AADAT: variants seen among roughly 807,000 people sequenced by gnomAD.
AADAT encodes kynurenine/alpha-aminoadipate aminotransferase, mitochondrial.
In AADAT, 25 loss-of-function variants were observed where a neutral mutation model predicts 56.2. That is an observed-to-expected ratio of 0.44 (90% CI 0.32 to 0.62). The LOEUF (loss-of-function observed/expected upper bound fraction) is 0.62, where lower values mean the gene tolerates loss of function less well. Among genes scored for constraint, AADAT ranks in the 20% least tolerant of loss-of-function variants. AADAT has a pLI of 0.04. For missense variants in AADAT, 387 were observed against 510.5 expected, an observed-to-expected ratio of 0.76 and a Z score of 2.33; for synonymous variants, 173 against 164.7, an observed-to-expected ratio of 1.05 and a Z score of -0.39.
intron 3 of AADAT, among the ~76,000 whole-genome samples, chr4:170,083,595 C>T (rs1307890265): frequency 6.6e-6 from 1 of 152,032 alleles, no homozygotes; most frequent in Non-Finnish European, 1.5e-5. Context: ...TCTTAACAGA[C>T]ATTTCTAAAA....
At chr4:170,073,507 A>AT (rs1204906766) in intron 4 of AADAT, among the ~76,000 whole-genome samples, 162 bp from the exon 5 acceptor site, 197 of 146,526 alleles carry the variant, frequency 1.3e-3, no homozygotes, top group African/African-American at 1.8e-3. Flanking sequence ...TTACACATTT[A>AT]TTTATTTTTT....
Position 170,064,731 on chromosome 4 carries a change from G to T in AADAT, c.1122C>A (p.Ala374=), listed in dbSNP as rs779364866. The T allele has an allele frequency of 6.2e-7, 1 of 1,604,496 alleles. No individual in the cohort carries two copies. The highest frequency in any genetic ancestry group is 1.3e-5 in the African/African-American group (1 of 74,262). ...CTCCCAGTTTTACCCCCATCTTAACGGCCTTTTCTTCAATCAGTTCTTTTA... is the reference window on the plus strand; with the variant it reads ...CTCCCAGTTTTACCCCCATCTTAACTGCCTTTTCTTCAATCAGTTCTTTTA... ...NDVKELIEEK[A]VKMGVLMLPG... The change falls in exon 11 of 13, where the codon GCC becomes GCA. Residue 374 remains alanine (A), a synonymous_variant. Transcript: ENST00000337664.
chr4:170,091,073 C>T (rs1179783836), upstream of AADAT, among the ~76,000 whole-genome samples: 1 of 151,832 alleles, frequency 6.6e-6, no homozygotes, highest in East Asian at 1.9e-4. Context: ...CTGCTGGCAG[C>T]CCTCGCAGCC....
intron 7 of AADAT, 134 bp from the exon 8 acceptor site, chr4:170,068,821 A>G: frequency 1.7e-6 from 1 of 596,306 alleles, no homozygotes; most frequent in East Asian, 3.0e-5. Context: ...TTCTAATAAA[A>G]CTAACTACTT....
intron 6 of AADAT, among the ~76,000 whole-genome samples, chr4:170,069,882 T>C (rs1731674147): frequency 1.3e-5 from 2 of 152,160 alleles, no homozygotes; most frequent in Non-Finnish European, 2.9e-5. Context: ...ATATGTTCTT[T>C]GCAGCCCTAA....
At chr4:170,090,146 C>G (rs762244022), upstream of AADAT, 2 of 152,368 alleles carry the variant, frequency 1.3e-5, no homozygotes, top group Middle Eastern at 3.4e-3. Flanking sequence ...CTCTTGACCT[C>G]GCCGCTGGGA....
rs567162687 is a variant in AADAT, at chr4:170,073,483, CCT to C, written c.445-140_445-139del. 6.2e-3 allele frequency: 4,376 copies of C among 709,022 alleles called. 22 individuals carry two copies. Among genetic ancestry groups the C allele is most frequent in the Middle Eastern group, 8.3e-3 (28 of 3,358 alleles). The allele number at this position is 709,022 out of a possible 1,614,324, so 43.9% of individuals were successfully genotyped here. A position where few individuals can be genotyped will look rare whatever the true frequency, so the allele number is the denominator to read the frequency against. Reference sequence around the variant, plus strand: ...ATAAACCCGCAACCAGCTCTGAGCTCCTGAGGGTTGAGGTTACACATTTATTT... The same window carrying C: ...ATAAACCCGCAACCAGCTCTGAGCTCGAGGGTTGAGGTTACACATTTATTT... On this transcript the variant is annotated intron_variant, in intron 4 of 12. Coordinates refer to ENST00000337664, the MANE Select transcript of AADAT (RefSeq NM_016228.4).
intron 1 of AADAT, chr4:170,089,400 TC>T: frequency 1.7e-6 from 1 of 604,040 alleles, no homozygotes; most frequent in Non-Finnish European, 3.0e-6. Flanking sequence ...CTACTGTTGC[TC>T]CTACTCTGCT....
In AADAT at chr4:170,060,280, T is replaced by G. The variant is rs144018711; in HGVS notation, c.*648A>C. On this transcript the variant is annotated 3_prime_UTR_variant, in exon 13 of 13. Coordinates refer to ENST00000337664, the MANE Select transcript of AADAT (RefSeq NM_016228.4). ...TTTCTGTGGCATAACATAAGGTTTA[T>G]GGTACTTTTACTAAAAGTCACTTAT... is the stretch of plus-strand genomic sequence containing the variant. 8 of 152,316 alleles carry G rather than the reference T, an allele frequency of 5.3e-5. No homozygotes were observed. In the East Asian group the frequency reaches 1.5e-3, roughly 29 times the overall value. 9.4% of individuals were successfully genotyped at this position (152,316 alleles called of 1,614,324 possible).
chr4:170,077,726 G>A (rs898655841), intron 4 of AADAT, among the ~76,000 whole-genome samples: 2 of 152,180 alleles, frequency 1.3e-5, no homozygotes, highest in African/African-American at 4.8e-5. Context: ...ATACAGAGCT[G>A]AAATTGTTTC....
chr4:170,094,042 T>C (rs1021293698), upstream of AADAT, among the ~76,000 whole-genome samples: 1 of 152,222 alleles, frequency 6.6e-6, no homozygotes, highest in South Asian at 2.1e-4. Context: ...TTAAACAGTT[T>C]GCTGAATTTT....
At chr4:170,078,745 C>A (rs1732158760) in intron 3 of AADAT, among the ~76,000 whole-genome samples, 162 bp from the exon 4 acceptor site, 1 of 152,154 alleles carries the variant, frequency 6.6e-6, no homozygotes, top group Non-Finnish European at 1.5e-5. Context: ...GTCATAGTAT[C>A]TCTGTTGCAA....
upstream of AADAT, chr4:170,091,829 C>T (rs866443504): frequency 6.6e-6 from 1 of 152,288 alleles, no homozygotes; most frequent in Non-Finnish European, 1.5e-5. Context: ...CTGATGGGGA[C>T]TTGGAGAATC....
At chr4:170,080,067 G>A (rs1020630129) in intron 3 of AADAT, among the ~76,000 whole-genome samples, 3 of 152,144 alleles carry the variant, frequency 2.0e-5, no homozygotes, top group Non-Finnish European at 2.9e-5. Context: ...GCTAGAGGAG[G>A]ACAGTGTTTT....
Position 170,087,122 on chromosome 4 carries a change from A to G in AADAT, c.363T>C (p.Leu121=), listed in dbSNP as rs773183554. ...LCVTSGSQQG[L]CKVFEMIINP... ...GTTTTCCTTTCAGTCTTACCTTACA[A>G]AGACCTTGTTGGCTGCCAGATGTGA... Residue 121 remains leucine (L), a synonymous_variant, in exon 3 of 13, where the codon CTT becomes CTC. Transcript: ENST00000337664. 1.9e-6 allele frequency: 3 copies of G among 1,613,920 alleles called. No homozygotes were observed. Among genetic ancestry groups the G allele is most frequent in the Non-Finnish European group, 2.5e-6 (3 of 1,179,996 alleles).
chr4:170,077,689 G>A (rs768910167), intron 4 of AADAT, among the ~76,000 whole-genome samples: 10 of 152,140 alleles, frequency 6.6e-5, no homozygotes, highest in East Asian at 1.9e-4. Flanking sequence ...TATGAAGTCC[G>A]GTAAGGCCAA....
intron 3 of AADAT, among the ~76,000 whole-genome samples, chr4:170,079,160 G>T (rs1272858196): frequency 1.3e-5 from 2 of 152,206 alleles, no homozygotes; most frequent in East Asian, 3.8e-4. Flanking sequence ...GATGCACAAT[G>T]ACATAAGAGC....
intron 3 of AADAT, among the ~76,000 whole-genome samples, chr4:170,080,660 G>A (rs778075026): frequency 2.0e-5 from 3 of 152,126 alleles, no homozygotes; most frequent in Non-Finnish European, 2.9e-5. Flanking sequence ...GCCATCTCAT[G>A]CCAATGGAAT....
chr4:170,077,271 T>C (rs963964389), intron 4 of AADAT, among the ~76,000 whole-genome samples: 5 of 152,210 alleles, frequency 3.3e-5, no homozygotes, highest in African/African-American at 1.2e-4. Context: ...AATCTGTAAA[T>C]TGCTTAGGGT....
Sources: allele counts gnomAD v4.1 joint callset (sites outside exome capture counted in the v4.1 genomes callset), GRCh38; gene constraint gnomAD v4.1.1; transcripts MANE v1.5; gene names NCBI Gene and HGNC (gene_info 2026-07-23, HGNC 2026-07-21).